AKAP19: variants seen among roughly 807,000 people sequenced by gnomAD.
AKAP19 encodes the protein A-kinase anchoring protein 19.
At chr2:189,885,802 A>C in the AKAP19 span, among the ~76,000 whole-genome samples, 6 of 151,934 alleles carry the variant, frequency 3.9e-5, no homozygotes, top group East Asian at 1.2e-3. Context: ...TCTAGCATTA[A>C]TTTTTATTTT....
chr2:189,888,362 T>C, the AKAP19 span, among the ~76,000 whole-genome samples: 3 of 152,330 alleles, frequency 2.0e-5, no homozygotes, highest in East Asian at 5.8e-4. Context: ...AGCCTTGTAG[T>C]ATAGTTTGAA....
the AKAP19 span, among the ~76,000 whole-genome samples, chr2:189,980,797 C>T: frequency 6.6e-6 from 1 of 152,238 alleles, no homozygotes; most frequent in African/African-American, 2.4e-5. Flanking sequence ...TATTCAGGTG[C>T]AAGCTGTTTA....
chr2:190,103,376 AT>A, the AKAP19 span, among the ~76,000 whole-genome samples: 1 of 152,252 alleles, frequency 6.6e-6, no homozygotes, highest in Non-Finnish European at 1.5e-5. Flanking sequence ...AAGCATCCAA[AT>A]AGGAAAAGAA....
chr2:189,970,900 T>A, the AKAP19 span, among the ~76,000 whole-genome samples: 1 of 152,258 alleles, frequency 6.6e-6, no homozygotes, highest in Non-Finnish European at 1.5e-5. Context: ...TATCGCCCTA[T>A]GGCTGTAATT....
the AKAP19 span, among the ~76,000 whole-genome samples, chr2:189,928,030 C>G: frequency 6.6e-6 from 1 of 152,112 alleles, no homozygotes; most frequent in East Asian, 1.9e-4. Flanking sequence ...ATTGCGCAAT[C>G]AAGTGACATT....
At chr2:189,896,464 C>T in the AKAP19 span, among the ~76,000 whole-genome samples, 9 of 151,988 alleles carry the variant, frequency 5.9e-5, no homozygotes, top group Admixed American at 1.3e-4. Context: ...TACTTTTTCC[C>T]GCGTTCCATA....
At chr2:190,003,676 C>T in the AKAP19 span, among the ~76,000 whole-genome samples, 1 of 152,032 alleles carries the variant, frequency 6.6e-6, no homozygotes, top group African/African-American at 2.4e-5. Flanking sequence ...CCAGCCTGTC[C>T]AACACGGAGA....
At chr2:189,915,740 A>G in the AKAP19 span, among the ~76,000 whole-genome samples, 1 of 152,116 alleles carries the variant, frequency 6.6e-6, no homozygotes. Context: ...AATTTAATAT[A>G]TATTAGAAAT....
the AKAP19 span, among the ~76,000 whole-genome samples, chr2:190,133,839 T>C: frequency 2.6e-5 from 4 of 152,160 alleles, no homozygotes; most frequent in African/African-American, 7.2e-5. Flanking sequence ...TCTGGGGTTG[T>C]AGAAAGTGGG....
chr2:189,993,317 A>G, the AKAP19 span, among the ~76,000 whole-genome samples: 7 of 152,178 alleles, frequency 4.6e-5, no homozygotes, highest in Non-Finnish European at 1.0e-4. Flanking sequence ...TATCACATTT[A>G]TTGACTTCCA....
At chr2:189,983,047 C>T in the AKAP19 span, among the ~76,000 whole-genome samples, 2 of 152,156 alleles carry the variant, frequency 1.3e-5, no homozygotes, top group Middle Eastern at 6.8e-3. Flanking sequence ...GTGGAAGCAC[C>T]CACCCTGATT....
the AKAP19 span, among the ~76,000 whole-genome samples, chr2:189,962,555 AT>A: frequency 6.6e-6 from 1 of 152,214 alleles, no homozygotes; most frequent in Non-Finnish European, 1.5e-5. Context: ...TAAACAAAAA[AT>A]AATCAATTGA....
the AKAP19 span, among the ~76,000 whole-genome samples, chr2:189,910,172 T>C: frequency 2.0e-5 from 3 of 152,112 alleles, no homozygotes; most frequent in African/African-American, 7.2e-5. Flanking sequence ...AAAGAGTTAT[T>C]TAAATTACTT....
At chr2:190,000,667 C>CT in the AKAP19 span, among the ~76,000 whole-genome samples, 23 of 152,040 alleles carry the variant, frequency 1.5e-4, no homozygotes, top group Non-Finnish European at 2.9e-5. Context: ...TTTTGGTTGA[C>CT]TTTTTTTTCT....
At chr2:189,931,867 C>T in the AKAP19 span, among the ~76,000 whole-genome samples, 1 of 152,150 alleles carries the variant, frequency 6.6e-6, no homozygotes, top group South Asian at 2.1e-4. Context: ...AAGTGATCTA[C>T]CCACCTTGTC....
chr2:189,989,671 A>G, the AKAP19 span, among the ~76,000 whole-genome samples: 1 of 152,162 alleles, frequency 6.6e-6, no homozygotes. Flanking sequence ...TATGACAAAT[A>G]TGGAGATTAT....
the AKAP19 span, among the ~76,000 whole-genome samples, chr2:189,956,168 C>CTTTTTTTTT: frequency 2.3e-4 from 1 of 4,344 alleles, no homozygotes. Flanking sequence ...AGTATATTTT[C>CTTTTTTTTT]TTTTTTTTCT....
chr2:190,052,479 T>C, the AKAP19 span, among the ~76,000 whole-genome samples: 1 of 152,222 alleles, frequency 6.6e-6, no homozygotes, highest in African/African-American at 2.4e-5. Context: ...CTTTCTTGTA[T>C]GGACATGTTT....
At chr2:189,924,578 G>A in the AKAP19 span, among the ~76,000 whole-genome samples, 1 of 152,118 alleles carries the variant, frequency 6.6e-6, no homozygotes, top group Non-Finnish European at 1.5e-5. Flanking sequence ...AAGTTCAGTA[G>A]TTGCTTCCCT....
Sources: gnomAD v4.1 joint callset for allele counts (sites outside exome capture counted in the v4.1 genomes callset) on GRCh38, gnomAD v4.1.1 for gene constraint, MANE v1.5 for transcripts, NCBI Gene and HGNC (gene_info 2026-07-23, HGNC 2026-07-21) for gene names.